Variants in DCDC2C observed in about 807,000 individuals in gnomAD.
The protein encoded by DCDC2C is doublecortin domain-containing protein 2C.
In DCDC2C, 44 loss-of-function variants were observed where a neutral mutation model predicts 45.0. The observed-to-expected ratio is 0.98, with a 90% confidence interval of 0.77 to 1.26. DCDC2C has a LOEUF of 1.26. Ranked by LOEUF, DCDC2C falls within the 50% of genes most tolerant of loss-of-function variation. The probability of loss-of-function intolerance (pLI) is 0.00; values close to 1 mark genes in which losing one functional copy is unlikely to be tolerated. For missense variants in DCDC2C, 447 were observed against 468.9 expected (o/e 0.95, Z 0.43); for synonymous variants, 187 against 178.8 (o/e 1.05, Z -0.37).
chr2:3,707,911 TA>T (rs1668109889), intron 1 of DCDC2C, among the ~76,000 whole-genome samples: 1 of 152,364 alleles, frequency 6.6e-6, no homozygotes, highest in East Asian at 1.9e-4. Context: ...CATATTTTTT[TA>T]ATCAGGAAGA....
chr2:3,812,854 A>T (rs1671435760), intron 10 of DCDC2C, among the ~76,000 whole-genome samples: 1 of 151,976 alleles, frequency 6.6e-6, no homozygotes, highest in Admixed American at 6.6e-5. Context: ...GTCATTCAGG[A>T]GCAGGTTGTT....
intron 10 of DCDC2C, among the ~76,000 whole-genome samples, chr2:3,798,119 A>G (rs1204788577): frequency 6.6e-6 from 1 of 151,880 alleles, no homozygotes; most frequent in Non-Finnish European, 1.5e-5. Context: ...CTTTACCATT[A>G]TGTAATGGCC....
intron 10 of DCDC2C, among the ~76,000 whole-genome samples, chr2:3,838,452 CAGAG>C (rs61141962): frequency 0.037 from 4,130 of 112,438 alleles, 76 homozygotes; most frequent in Non-Finnish European, 0.055. Context: ...AGGATCATGA[CAGAG>C]AGAGAGAGAG....
At chr2:3,832,643 C>G (rs1369451435) in intron 10 of DCDC2C, among the ~76,000 whole-genome samples, 1 of 152,174 alleles carries the variant, frequency 6.6e-6, no homozygotes, top group Non-Finnish European at 1.5e-5. Flanking sequence ...TTCTCCAAAC[C>G]AAGTCAAACA....
intron 10 of DCDC2C, among the ~76,000 whole-genome samples, chr2:3,785,567 C>T (rs1670628941): frequency 6.6e-6 from 1 of 152,096 alleles, no homozygotes; most frequent in Non-Finnish European, 1.5e-5. Context: ...GCTCACAGCC[C>T]TTGGGAAAGC....
At chr2:3,727,223 T>A in intron 3 of DCDC2C, 144 bp downstream of exon 3, 1 of 630,554 alleles carries the variant, frequency 1.6e-6, no homozygotes, top group Non-Finnish European at 2.8e-6. Flanking sequence ...TCTCACTTCC[T>A]GACAGGTGAT....
At chr2:3,736,159 G>A (rs1669018439) in intron 3 of DCDC2C, among the ~76,000 whole-genome samples, 1 of 152,152 alleles carries the variant, frequency 6.6e-6, no homozygotes, top group South Asian at 2.1e-4. Context: ...ACCATGTCGG[G>A]GAACATAGAT....
chr2:3,718,834 A>G (rs1296706252), intron 2 of DCDC2C, among the ~76,000 whole-genome samples: 1 of 152,178 alleles, frequency 6.6e-6, no homozygotes, highest in African/African-American at 2.4e-5. Context: ...CACGGACCCA[A>G]AGAGTTTTAT....
chr2:3,741,864 A>G (rs1049352398), intron 3 of DCDC2C, 56 bp from the exon 4 acceptor site: 108 of 1,487,860 alleles, frequency 7.3e-5, no homozygotes, highest in African/African-American at 4.3e-4. Flanking sequence ...TGAATTTTCA[A>G]TGTTTCCCCC....
intron 3 of DCDC2C, among the ~76,000 whole-genome samples, chr2:3,735,920 G>A (rs1303944832): frequency 6.6e-6 from 1 of 151,990 alleles, no homozygotes; most frequent in Non-Finnish European, 1.5e-5. Context: ...TGGAAATATA[G>A]GGCAGTACCT....
chr2:3,773,098 A>G (rs1670226300), intron 8 of DCDC2C, among the ~76,000 whole-genome samples: 5 of 152,168 alleles, frequency 3.3e-5, no homozygotes, highest in Admixed American at 3.3e-4. Flanking sequence ...GGTTGTGAAT[A>G]GGACGGAAGG....
At chr2:3,745,403 G>A (rs1004650664) in intron 4 of DCDC2C, among the ~76,000 whole-genome samples, 1 of 152,180 alleles carries the variant, frequency 6.6e-6, no homozygotes, top group Admixed American at 6.5e-5. Context: ...AAAGACATTA[G>A]ATCAATAAAC....
At chr2:3,720,858 T>G (rs1668480254) in intron 2 of DCDC2C, among the ~76,000 whole-genome samples, 1 of 152,232 alleles carries the variant, frequency 6.6e-6, no homozygotes, top group African/African-American at 2.4e-5. Context: ...CTTAAATGTT[T>G]GATAGAATTT....
chr2:3,728,171 C>T (rs1229385805), intron 3 of DCDC2C, among the ~76,000 whole-genome samples: 1 of 152,168 alleles, frequency 6.6e-6, no homozygotes, highest in Non-Finnish European at 1.5e-5. Flanking sequence ...TGGAAACTGC[C>T]TGATTCACCC....
chr2:3,766,604 C>T (rs573957876), intron 6 of DCDC2C, among the ~76,000 whole-genome samples: 1 of 152,232 alleles, frequency 6.6e-6, no homozygotes, highest in South Asian at 2.1e-4. Flanking sequence ...TATTTTCATA[C>T]CTTAATTTCC....
chr2:3,825,718 G>A (rs1432109345), intron 10 of DCDC2C, among the ~76,000 whole-genome samples: 2 of 152,142 alleles, frequency 1.3e-5, no homozygotes, highest in African/African-American at 2.4e-5. Flanking sequence ...TTTAGACAGT[G>A]GGGATCCTGG....
Position 3,710,500 on chromosome 2 carries a change from T to A in DCDC2C, c.339+1900T>A, listed in dbSNP as rs183349272. 4.3e-4 allele frequency among the ~76,000 whole-genome samples: 65 copies of A among 152,332 alleles called. 1 individual carries two copies. Among genetic ancestry groups the A allele is most frequent in the African/African-American group, 1.5e-3 (64 of 41,570 alleles). ...GCATTAGTTTGCTGAGGATAATGGC[T>A]TCCAACTCCATCCATGTCCCTGCAT... On this transcript the variant is annotated intron_variant, in intron 2 of 10. Transcript: ENST00000399143.
intron 2 of DCDC2C, among the ~76,000 whole-genome samples, chr2:3,713,323 A>C (rs1433767376): frequency 6.6e-6 from 1 of 152,186 alleles, no homozygotes; most frequent in Non-Finnish European, 1.5e-5. Flanking sequence ...GGTGCAAAGC[A>C]GCTCTCCCAG....
At chr2:3,835,553 C>T (rs867649689) in intron 10 of DCDC2C, among the ~76,000 whole-genome samples, 8 of 152,172 alleles carry the variant, frequency 5.3e-5, no homozygotes, top group Middle Eastern at 3.4e-3. Context: ...ATTTCTGTTC[C>T]GTATCTGTCT....
Sources: gnomAD v4.1 joint callset for allele counts (sites outside exome capture counted in the v4.1 genomes callset) on GRCh38, gnomAD v4.1.1 for gene constraint, MANE v1.5 for transcripts, NCBI Gene and HGNC (gene_info 2026-07-23, HGNC 2026-07-21) for gene names.